Variants in LPP observed in about 807,000 individuals in gnomAD.
LPP encodes the protein LIM domain containing preferred translocation partner in lipoma, also known as lipoma-preferred partner.
A neutral mutation model predicts 60.4 loss-of-function variants in LPP; 38 were observed. That is an observed-to-expected ratio of 0.63 (90% CI 0.49 to 0.83). The LOEUF (loss-of-function observed/expected upper bound fraction) is 0.83, where lower values mean the gene tolerates loss of function less well. Ranked by LOEUF, LPP falls within the 40% of genes least tolerant of loss-of-function variation. The pLI is 0.00. For synonymous variants in LPP, 328 were observed against 290.8 expected (o/e 1.13, Z -1.30); for missense variants, 902 against 783.6 (o/e 1.15, Z -1.80).
chr3:188,300,972 A>G lies in LPP; in HGVS notation c.-66-40691A>G, dbSNP rs556663647. Among the ~76,000 whole-genome samples the G allele has an allele frequency of 4.6e-5, 7 of 152,218 alleles. No homozygotes were observed. The South Asian group carries it at 6.2e-4, about 13-fold the overall frequency. ...AGTCCTAAGATTGATCTTTTTTGTCATGGATTTATCCCTTTGTCTCTATGC... is the reference window on the plus strand; with the variant it reads ...AGTCCTAAGATTGATCTTTTTTGTCGTGGATTTATCCCTTTGTCTCTATGC... On this transcript the variant is annotated intron_variant, in intron 2 of 11. Coordinates refer to ENST00000617246, the MANE Select transcript of LPP (RefSeq NM_001375462.1).
chr3:188,165,693 G>A (rs1719725911), intron 1 of LPP, among the ~76,000 whole-genome samples: 1 of 152,222 alleles, frequency 6.6e-6, no homozygotes, highest in African/African-American at 2.4e-5. Flanking sequence ...GACAGCAGGA[G>A]CTGTCTGAGC....
At chr3:188,836,274 G>GATT (rs1421879427) in intron 9 of LPP, among the ~76,000 whole-genome samples, 3 of 152,192 alleles carry the variant, frequency 2.0e-5, no homozygotes, top group Admixed American at 6.5e-5. Context: ...TAACATAAAA[G>GATT]ATTATTCCCT....
In LPP at chr3:188,670,986, A is replaced by G. The variant is rs995650255; in HGVS notation, c.1114-37281A>G. 3.3e-5 allele frequency among the ~76,000 whole-genome samples: 5 copies of G among 152,230 alleles called. No individual in the cohort carries two copies. The East Asian group carries it at 7.7e-4, about 24-fold the overall frequency. On this transcript the variant is annotated intron_variant, in intron 7 of 11. Coordinates refer to ENST00000617246, the MANE Select transcript of LPP (RefSeq NM_001375462.1). The stretch of plus-strand genomic sequence containing the variant: ...GTTTCTAACCCAATAGGGCAATTTC[A>G]GTTTCCCCCGCGTTTTCTACATAAG...
intron 2 of LPP, among the ~76,000 whole-genome samples, chr3:188,273,944 C>T (rs561933740): frequency 1.6e-4 from 25 of 152,174 alleles, no homozygotes; most frequent in African/African-American, 5.3e-4. Flanking sequence ...AGGCTGTAAA[C>T]GTCAATGTTT....
chr3:188,482,826 T>C (rs554538624), intron 4 of LPP, among the ~76,000 whole-genome samples: 108 of 152,182 alleles, frequency 7.1e-4, no homozygotes, highest in Admixed American at 1.4e-3. Context: ...ACATTTCTTA[T>C]CCTGTGGGTC....
chr3:188,886,476 A>G lies in LPP; in HGVS notation c.*11997A>G, dbSNP rs1376141939. ...TGAGCACTTCTCAGAATTATCTAGT[A>G]TGCCTGAGTAGAGACTCACATGGGT... On this transcript the variant is annotated 3_prime_UTR_variant, in exon 12 of 12. Transcript: ENST00000617246. 1.6e-5 allele frequency: 3 copies of G among 187,424 alleles called. No individual in the cohort carries two copies. Among genetic ancestry groups the G allele is most frequent in the Non-Finnish European group, 3.2e-5 (3 of 92,590 alleles). 11.6% of individuals were successfully genotyped at this position (187,424 alleles called of 1,614,324 possible).
intron 6 of LPP, among the ~76,000 whole-genome samples, chr3:188,531,137 G>T (rs1158885207): frequency 6.6e-6 from 1 of 152,110 alleles, no homozygotes; most frequent in Non-Finnish European, 1.5e-5. Flanking sequence ...ATGGTAGCTG[G>T]AGATTTAGTA....
At chr3:188,600,279 A>G (rs1408721870) in intron 6 of LPP, among the ~76,000 whole-genome samples, 2 of 149,130 alleles carry the variant, frequency 1.3e-5, no homozygotes, top group African/African-American at 4.9e-5. Flanking sequence ...TGCCTATATA[A>G]TATATATTTC....
chr3:188,190,494 T>G (rs1006025822), intron 1 of LPP, among the ~76,000 whole-genome samples: 31 of 152,228 alleles, frequency 2.0e-4, no homozygotes, highest in African/African-American at 7.5e-4. Context: ...TTTCACGCTC[T>G]AACTGTGCCA....
At chr3:188,345,527 A>G (rs2150721990) in intron 3 of LPP, among the ~76,000 whole-genome samples, 1 of 152,224 alleles carries the variant, frequency 6.6e-6, no homozygotes, top group Non-Finnish European at 1.5e-5. Context: ...CAGATGAGGG[A>G]TTTATAAGCA....
chr3:188,258,493 G>A (rs946288942), intron 2 of LPP, among the ~76,000 whole-genome samples: 11 of 152,100 alleles, frequency 7.2e-5, no homozygotes, highest in Admixed American at 2.6e-4. Flanking sequence ...TGGCTAATTC[G>A]TATATTTTGT....
chr3:188,172,592 T>C (rs1187967760), intron 1 of LPP, among the ~76,000 whole-genome samples: 1 of 152,212 alleles, frequency 6.6e-6, no homozygotes, highest in Non-Finnish European at 1.5e-5. Flanking sequence ...AAATAAACTT[T>C]TAATTTTGGA....
chr3:188,377,980 C>T (rs1162906192), intron 3 of LPP, among the ~76,000 whole-genome samples: 3 of 152,200 alleles, frequency 2.0e-5, no homozygotes, highest in Non-Finnish European at 2.9e-5. Flanking sequence ...ACTCCAGTCC[C>T]TGTTTGTCTA....
At chr3:188,241,052 T>C (rs1234299396) in intron 2 of LPP, among the ~76,000 whole-genome samples, 2 of 152,202 alleles carry the variant, frequency 1.3e-5, no homozygotes, top group Non-Finnish European at 2.9e-5. Flanking sequence ...ACAGTGAGAA[T>C]GTCCCTACAT....
intron 8 of LPP, among the ~76,000 whole-genome samples, chr3:188,742,877 G>T (rs1228598516): frequency 6.6e-6 from 1 of 152,170 alleles, no homozygotes; most frequent in African/African-American, 2.4e-5. Context: ...TCACCAATTG[G>T]TTTGAAATTC....
At chr3:188,802,518 C>T (rs560972938) in intron 9 of LPP, among the ~76,000 whole-genome samples, 2 of 152,270 alleles carry the variant, frequency 1.3e-5, no homozygotes, top group East Asian at 1.9e-4. Flanking sequence ...CACGGTGGCT[C>T]ACGCCTGTAA....
chr3:188,683,717 C>CA (rs1239273319), intron 7 of LPP, among the ~76,000 whole-genome samples: 2 of 152,146 alleles, frequency 1.3e-5, no homozygotes, highest in South Asian at 4.1e-4. Flanking sequence ...GTCAGGAAAT[C>CA]AGAGTTGTGT....
intron 9 of LPP, among the ~76,000 whole-genome samples, chr3:188,841,540 C>A (rs533051268): frequency 6.6e-6 from 1 of 152,052 alleles, no homozygotes; most frequent in South Asian, 2.1e-4. Flanking sequence ...TACAGGTGTG[C>A]AACACCACGC....
At chr3:188,679,315 A>T (rs962516319) in intron 7 of LPP, among the ~76,000 whole-genome samples, 2 of 152,216 alleles carry the variant, frequency 1.3e-5, no homozygotes, top group African/African-American at 2.4e-5. Context: ...ACATTCATGG[A>T]AAAGTTCACT....
Sources: allele counts gnomAD v4.1 joint callset (sites outside exome capture counted in the v4.1 genomes callset), GRCh38; gene constraint gnomAD v4.1.1; transcripts MANE v1.5; gene names NCBI Gene and HGNC (gene_info 2026-07-23, HGNC 2026-07-21).